The following TRIP13 variants were observed in gnomAD, a reference collection of about 807,000 sequenced individuals.
TRIP13 encodes pachytene checkpoint protein 2 homolog.
Under a neutral mutation model 54.4 loss-of-function variants are expected in TRIP13, and 25 were observed. The observed-to-expected ratio is 0.46, with a 90% confidence interval of 0.33 to 0.64. The LOEUF is 0.64. TRIP13 is among the 30% of genes least tolerant of loss of function. The probability of loss-of-function intolerance (pLI) is 0.02; values close to 1 mark genes in which losing one functional copy is unlikely to be tolerated. For synonymous variants in TRIP13, 207 were observed against 207.8 expected, an observed-to-expected ratio of 1.00 and a Z score of 0.03; for missense variants, 373 against 534.2, an observed-to-expected ratio of 0.70 and a Z score of 2.97.
rs1754321666 is a variant in TRIP13 at position 915,333 on chromosome 5, G to C, written c.1134-571G>C. Among the ~76,000 whole-genome samples, 1 of 152,136 alleles carries C rather than the reference G, an allele frequency of 6.6e-6. No homozygotes were observed. Among genetic ancestry groups the C allele is most frequent in the Admixed American group, 6.5e-5 (1 of 15,278 alleles). ...CCCGCTGCATCGTGCCTTACGCCTG[G>C]TGCTCCCAGGCAGGTGATGCCTTCC... On this transcript the variant is annotated intron_variant, in intron 11 of 12. Transcript: ENST00000166345. This position sits in a 1 kb window ranked among gnomAD's most constrained non-coding sequence, Gnocchi z 4.2.
chr5:894,681 A>G, intron 1 of TRIP13, 106 bp from the exon 2 acceptor site: 1 of 1,322,696 alleles, frequency 7.6e-7, no homozygotes, highest in Non-Finnish European at 1.0e-6. Flanking sequence ...TACCCTGTTA[A>G]CTACTGGGCT....
Position 896,872 on chromosome 5 carries a change from G to C in TRIP13, c.388+78G>C, listed in dbSNP as rs1046504351. On this transcript the variant is annotated intron_variant, in intron 3 of 12. Transcript: ENST00000166345. ...CTCCATGCCATGTCAGTTCACAGGG[G>C]GGGTTCTGTTTGTCCATTTGTTTTG... 1.1e-5 allele frequency: 16 copies of C among 1,461,472 alleles called. No homozygotes were observed. In the Admixed American group the frequency reaches 2.2e-4, roughly 20 times the overall value. 90.5% of individuals were successfully genotyped at this position (1,461,472 alleles called of 1,614,324 possible). A position where few individuals can be genotyped will look rare whatever the true frequency, so the allele number is the denominator to read the frequency against.
chr5:901,268 G>T, intron 4 of TRIP13, 73 bp from the exon 5 acceptor site: 3 of 1,404,450 alleles, frequency 2.1e-6, no homozygotes, highest in Non-Finnish European at 1.0e-6. Context: ...TTAAGCCCTG[G>T]GGGAGGGCAC....
In TRIP13 at chr5:894,200, G is replaced by A. The variant is rs141097749; in HGVS notation, c.93-587G>A. Among the ~76,000 whole-genome samples the A allele has an allele frequency of 1.6e-3, 249 of 152,276 alleles. 2 individuals are homozygous for A. Among genetic ancestry groups the A allele is most frequent in the African/African-American group, 5.7e-3 (238 of 41,548 alleles). On this transcript the variant is annotated intron_variant, in intron 1 of 12. Coordinates refer to ENST00000166345, the MANE Select transcript of TRIP13 (RefSeq NM_004237.4). ...GGCAGACATTGAATAGGACTTAGAG[G>A]GTGACTGCAGTTGATCAGGCCAGTA...
At position 901,414 on chromosome 5, in the gene TRIP13, G is replaced by A. The variant is rs759712974; in HGVS notation, c.518G>A (p.Arg173Gln). 9.9e-6 allele frequency: 16 copies of A among 1,613,996 alleles called. No individual in the cohort carries two copies. The highest frequency in any genetic ancestry group is 1.2e-5 in the Non-Finnish European group (14 of 1,179,930). The stretch of plus-strand genomic sequence containing the variant: ...AACAGCAACCTCATCACCTGGAACC[G>A]GGTGGTGCTGCTCCACGGTAAATTA... The part of the protein sequence containing the change: ...NVNSNLITWN[R>Q]VVLLHGPPGT... The change falls in exon 5 of 13, where the codon CGG (arginine) becomes CAG (glutamine). Residue 173 changes from arginine to glutamine, a missense_variant. Coordinates refer to ENST00000166345, the MANE Select transcript of TRIP13 (RefSeq NM_004237.4).
At position 893,012 on chromosome 5, in the gene TRIP13, T is replaced by TCATTAAAAA; in HGVS notation, c.14_15insCATTAAAAA (p.Val5_Gly6insIleLysLys). 1 of 1,567,846 alleles carries TCATTAAAAA rather than the reference T, an allele frequency of 6.4e-7. No homozygotes were observed. ...CTCGGGGGCGCCATGGACGAGGCCG[T>TCATTAAAAA]GGGCGACCTGAAGCAGGCGCTTCCC... is the stretch of plus-strand genomic sequence containing the variant. On this transcript the variant is annotated inframe_insertion, in exon 1 of 13. Transcript: ENST00000166345.
At chr5:904,075 G>GA in intron 5 of TRIP13, 73 bp from the exon 6 acceptor site, 1 of 1,337,628 alleles carries the variant, frequency 7.5e-7, no homozygotes, top group South Asian at 1.3e-5. Flanking sequence ...ATGGATAATG[G>GA]AAGTTACTGT....
chr5:908,578 A>T lies in TRIP13; in HGVS notation c.866+117A>T. 6.6e-7 allele frequency: 1 copy of T among 1,525,812 alleles called. No homozygotes were observed. Among genetic ancestry groups the T allele is most frequent in the Non-Finnish European group, 8.8e-7 (1 of 1,134,312 alleles). 94.5% of individuals were successfully genotyped at this position (1,525,812 alleles called of 1,614,324 possible). ...GCCCAGCTCTTTCACCGGAAAGTGC[A>T]TTTGGCATTGAGTATCGACTCCTTT... On this transcript the variant is annotated intron_variant, in intron 9 of 12. Coordinates refer to ENST00000166345, the MANE Select transcript of TRIP13 (RefSeq NM_004237.4). The surrounding 1 kb of genome is among the most constrained non-coding windows in gnomAD (Gnocchi z 5.2).
At chr5:901,542 A>C in intron 5 of TRIP13, 111 bp downstream of exon 5, 1 of 958,310 alleles carries the variant, frequency 1.0e-6, no homozygotes, top group Non-Finnish European at 1.6e-6. Context: ...TGAAGGAGCC[A>C]CAGCTGTCCT....
In TRIP13 at chr5:911,900, C is replaced by T; in HGVS notation, c.924C>T (p.Ala308=). 6.2e-7 allele frequency: 1 copy of T among 1,613,560 alleles called. No homozygotes were observed. Among genetic ancestry groups the T allele is most frequent in the Non-Finnish European group, 8.5e-7 (1 of 1,179,884 alleles). ...TSNITEKIDV[A]FVDRADIKQY... Reference sequence around the variant, plus strand: ...ACATCACCGAGAAGATCGACGTGGCCTTCGTGGACAGGGCTGACATCAAGC... The same window carrying T: ...ACATCACCGAGAAGATCGACGTGGCTTTCGTGGACAGGGCTGACATCAAGC... The change falls in exon 10 of 13, where the codon GCC becomes GCT. Residue 308 remains alanine (A), a synonymous_variant. Transcript: ENST00000166345. This position sits in a 1 kb window ranked among gnomAD's most constrained non-coding sequence, Gnocchi z 4.7.
intron 9 of TRIP13, among the ~76,000 whole-genome samples, chr5:910,680 A>G (rs1027902251): frequency 3.9e-5 from 6 of 152,090 alleles, no homozygotes; most frequent in African/African-American, 1.4e-4. Context: ...TTCTGGTTCC[A>G]GCCCCTCTCT....
chr5:893,093 G>T lies in TRIP13; in HGVS notation c.92+3G>T. The T allele has an allele frequency of 6.3e-7, 1 of 1,589,060 alleles. No homozygotes were observed. Among genetic ancestry groups the T allele is most frequent in the South Asian group, 1.1e-5 (1 of 87,874 alleles). On this transcript the variant is annotated splice_donor_region_variant and intron_variant, in intron 1 of 12. Transcript: ENST00000166345. ...GAGGTGCATCAGCGCGGCAGCAGGT[G>T]AGCCGGACCTGTCCGACACATCCTC...
At chr5:896,258 G>A (rs1322644164) in intron 2 of TRIP13, among the ~76,000 whole-genome samples, 3 of 152,188 alleles carry the variant, frequency 2.0e-5, no homozygotes, top group African/African-American at 7.2e-5. Context: ...ATGTTGCTGT[G>A]AGCTGTGATC....
At chr5:896,524 C>T (rs1753918891) in intron 2 of TRIP13, 141 bp from the exon 3 acceptor site, 6 of 793,098 alleles carry the variant, frequency 7.6e-6, no homozygotes, top group African/African-American at 1.7e-5. Flanking sequence ...AAAATAATAG[C>T]CTTCTCATCT....
At chr5:905,017 G>A (rs1754084387) in intron 6 of TRIP13, among the ~76,000 whole-genome samples, 1 of 152,194 alleles carries the variant, frequency 6.6e-6, no homozygotes, top group Non-Finnish European at 1.5e-5. Flanking sequence ...GTTAGGTAGT[G>A]TTTGATTAGC....
Position 908,766 on chromosome 5 carries a change from G to A in TRIP13, c.866+305G>A. The stretch of plus-strand genomic sequence containing the variant: ...AAGGTCAGTAGATTGAGACCATCCT[G>A]GCTGACACGGTGAAACCCTGTCTCT... On this transcript the variant is annotated intron_variant, in intron 9 of 12. Coordinates refer to ENST00000166345, the MANE Select transcript of TRIP13 (RefSeq NM_004237.4). This position sits in a 1 kb window ranked among gnomAD's most constrained non-coding sequence, Gnocchi z 5.2. 1 of 734,582 alleles carries A rather than the reference G, an allele frequency of 1.4e-6. No homozygotes were observed. The allele number at this position is 734,582 out of a possible 1,614,324, so 45.5% of individuals were successfully genotyped here.
rs538751477 is a variant in TRIP13, at chr5:909,894, G to A, written c.866+1433G>A. On this transcript the variant is annotated intron_variant, in intron 9 of 12. Transcript: ENST00000166345. ...CTTTAAGCGGTTTTCCACCCTGGGC[G>A]GGCCAGGTGTCCCTTGCCCTCATTC... Among the ~76,000 whole-genome samples the A allele has an allele frequency of 7.9e-5, 12 of 152,350 alleles. No homozygotes were observed. In the East Asian group the frequency reaches 1.5e-3, roughly 20 times the overall value.
chr5:914,984 G>C (rs1209659299), intron 11 of TRIP13, among the ~76,000 whole-genome samples: 1 of 152,196 alleles, frequency 6.6e-6, no homozygotes, highest in Admixed American at 6.5e-5. Context: ...AAATCAGGAA[G>C]GCTGCTGGAG....
chr5:916,823 T>C (rs1339265308), intron 12 of TRIP13, among the ~76,000 whole-genome samples, 185 bp from the exon 13 acceptor site: 1 of 152,176 alleles, frequency 6.6e-6, no homozygotes, highest in Non-Finnish European at 1.5e-5. Context: ...GTTCGCCTTT[T>C]CTGAAGTAAA....
Sources: gnomAD v4.1 joint callset for allele counts (sites outside exome capture counted in the v4.1 genomes callset) on GRCh38, gnomAD v4.1.1 for gene constraint, Gnocchi (gnomAD v3.1) non-coding constraint, MANE v1.5 for transcripts, NCBI Gene and HGNC (gene_info 2026-07-23, HGNC 2026-07-21) for gene names.